Variants in FUNDC2 observed in about 807,000 individuals in gnomAD.
The protein encoded by FUNDC2 is FUN14 domain-containing protein 2.
In FUNDC2, 4 loss-of-function variants were observed where a neutral mutation model predicts 15.6. That is an observed-to-expected ratio of 0.26 (90% CI 0.13 to 0.59). FUNDC2 has a LOEUF of 0.59. Among genes scored for constraint, FUNDC2 ranks in the 20% least tolerant of loss-of-function variants. FUNDC2 has a pLI of 0.90. For synonymous variants in FUNDC2, 44 were observed against 56.9 expected (o/e 0.77, Z 1.02); for missense variants, 98 against 149.7 (o/e 0.65, Z 1.80).
rs1261606358 is a variant in FUNDC2 at position 155,058,250 on chromosome X, T to C, written c.*3578T>C. The C allele has an allele frequency of 9.0e-6, 1 of 111,554 alleles. No homozygotes were observed. The highest frequency in any genetic ancestry group is 1.9e-5 in the Non-Finnish European group (1 of 53,141). 9.2% of individuals were successfully genotyped at this position (111,554 alleles called of 1,213,427 possible). On this transcript the variant is annotated 3_prime_UTR_variant, in exon 5 of 5. Transcript: ENST00000369498. Reference sequence around the variant, plus strand: ...CTAGATTCTACAAGGAATGATCTCTTGCATAATTCTAGCCAACATGCTCTT... The same window carrying C: ...CTAGATTCTACAAGGAATGATCTCTCGCATAATTCTAGCCAACATGCTCTT...
intron 4 of FUNDC2, 73 bp downstream of exon 4, chrX:155,051,874 T>C (rs1557290527): frequency 9.6e-7 from 1 of 1,045,079 alleles, no homozygotes; most frequent in African/African-American, 1.8e-5. Context: ...TATTGTACCA[T>C]ATCTCAGTGA....
chrX:155,027,828 T>G (rs1482917518), intron 1 of FUNDC2, among the ~76,000 whole-genome samples: 2 of 112,135 alleles, frequency 1.8e-5, no homozygotes, highest in Non-Finnish European at 3.8e-5. Flanking sequence ...ACTATGGTGC[T>G]CTACTGTGCG....
intron 2 of FUNDC2, among the ~76,000 whole-genome samples, chrX:155,035,745 C>T (rs148742889): frequency 0.024 from 2,660 of 112,299 alleles, 77 homozygotes; most frequent in African/African-American, 0.082. Flanking sequence ...TGCAGTGGCA[C>T]GATCTTGGCT....
intron 2 of FUNDC2, among the ~76,000 whole-genome samples, chrX:155,045,755 A>C (rs2073860229): frequency 9.0e-6 from 1 of 111,620 alleles, no homozygotes; most frequent in South Asian, 3.8e-4. Flanking sequence ...ATTGGAGTCT[A>C]GGGAGGATTT....
intron 2 of FUNDC2, among the ~76,000 whole-genome samples, chrX:155,039,514 A>G (rs1434904790): frequency 8.9e-6 from 1 of 112,225 alleles, no homozygotes; most frequent in African/African-American, 3.2e-5. Context: ...ATCTGTTTCC[A>G]GTTGATTTTT....
chrX:155,032,476 A>G (rs1170454485), intron 1 of FUNDC2, among the ~76,000 whole-genome samples: 3 of 107,221 alleles, frequency 2.8e-5, no homozygotes, highest in African/African-American at 1.0e-4. Flanking sequence ...GGGTTTTTCC[A>G]TGCTGGTCAG....
chrX:155,030,683 CT>C (rs369740085), intron 1 of FUNDC2, among the ~76,000 whole-genome samples: 15,132 of 85,132 alleles, frequency 0.18, 953 homozygotes, highest in South Asian at 0.24. Context: ...CTATTTTCTA[CT>C]TTTTTTTTTT....
chrX:155,031,882 C>T (rs1410131044), intron 1 of FUNDC2, among the ~76,000 whole-genome samples: 1 of 111,806 alleles, frequency 8.9e-6, no homozygotes, highest in Admixed American at 9.4e-5. Context: ...AGTAGGGGAG[C>T]CTGACATTAT....
At chrX:155,051,316 C>T in intron 3 of FUNDC2, 1 of 167,259 alleles carries the variant, frequency 6.0e-6, no homozygotes, top group Non-Finnish European at 1.1e-5. Flanking sequence ...CTCATGGGCA[C>T]ATTGTCAGAG....
intron 4 of FUNDC2, among the ~76,000 whole-genome samples, chrX:155,053,291 G>A (rs1166229912): frequency 8.9e-6 from 1 of 112,116 alleles, no homozygotes; most frequent in African/African-American, 3.2e-5. Context: ...ATTTGGAATT[G>A]AGTTCACTGT....
intron 2 of FUNDC2, among the ~76,000 whole-genome samples, chrX:155,045,706 C>G (rs994239270): frequency 5.4e-5 from 6 of 110,961 alleles, no homozygotes; most frequent in Middle Eastern, 4.6e-3. Flanking sequence ...AGTAGTTTTG[C>G]TGTAAAGGAG....
intron 4 of FUNDC2, 76 bp downstream of exon 4, chrX:155,051,877 C>T (rs1464067419): frequency 6.8e-6 from 7 of 1,024,079 alleles, no homozygotes; most frequent in Non-Finnish European, 9.4e-6. Context: ...TGTACCATAT[C>T]TCAGTGATGG....
intron 4 of FUNDC2, among the ~76,000 whole-genome samples, chrX:155,052,456 A>C: frequency 8.9e-6 from 1 of 112,372 alleles, no homozygotes; most frequent in Non-Finnish European, 1.9e-5. Context: ...CAAATAAATA[A>C]GTACACTGAA....
At chrX:155,033,646 T>C in intron 2 of FUNDC2, 93 bp downstream of exon 2, 1 of 866,177 alleles carries the variant, frequency 1.2e-6, no homozygotes, top group Non-Finnish European at 1.6e-6. Context: ...TGAAAACACA[T>C]TGGCTTCTGT....
chrX:155,028,948 A>G (rs1163473423), intron 1 of FUNDC2, among the ~76,000 whole-genome samples: 2 of 110,927 alleles, frequency 1.8e-5, no homozygotes, highest in Non-Finnish European at 3.8e-5. Context: ...GGCAGTTTGT[A>G]TTTTCCTGAT....
chrX:155,053,303 A>T (rs1395273578), intron 4 of FUNDC2, among the ~76,000 whole-genome samples: 2 of 112,200 alleles, frequency 1.8e-5, no homozygotes, highest in Non-Finnish European at 3.8e-5. Flanking sequence ...GTTCACTGTC[A>T]CAGGCCCTGG....
chrX:155,060,114 T>A lies in FUNDC2; in HGVS notation c.*5442T>A, dbSNP rs2073921664. 1 of 112,162 alleles carries A rather than the reference T, an allele frequency of 8.9e-6. No homozygotes were observed. Among genetic ancestry groups the A allele is most frequent in the East Asian group, 2.8e-4 (1 of 3,633 alleles). 9.2% of individuals were successfully genotyped at this position (112,162 alleles called of 1,213,427 possible). On this transcript the variant is annotated 3_prime_UTR_variant, in exon 5 of 5. Coordinates refer to ENST00000369498, the MANE Select transcript of FUNDC2 (RefSeq NM_023934.4). ...ATGGACTAATACATATACTTTAGCA[T>A]AAAAACATTTAAAAGAGTCTGAAAC...
In FUNDC2 at chrX:155,059,887, C is replaced by G. The variant is rs146354251; in HGVS notation, c.*5215C>G. On this transcript the variant is annotated 3_prime_UTR_variant, in exon 5 of 5. Coordinates refer to ENST00000369498, the MANE Select transcript of FUNDC2 (RefSeq NM_023934.4). ...GAGATCTGGCACTTCACCCCTCACTCTCTCTTGCTCCTGCTTTGGCCATGT... is the reference window on the plus strand; with the variant it reads ...GAGATCTGGCACTTCACCCCTCACTGTCTCTTGCTCCTGCTTTGGCCATGT... The G allele has an allele frequency of 2.2e-4, 25 of 111,414 alleles. No individual in the cohort carries two copies. Among genetic ancestry groups the G allele is most frequent in the African/African-American group, 8.2e-4 (25 of 30,599 alleles). 9.2% of individuals were successfully genotyped at this position (111,414 alleles called of 1,213,427 possible). A position where few individuals can be genotyped will look rare whatever the true frequency, so the allele number is the denominator to read the frequency against.
chrX:155,030,266 C>T (rs1009622375), intron 1 of FUNDC2, among the ~76,000 whole-genome samples: 2 of 105,267 alleles, frequency 1.9e-5, no homozygotes, highest in African/African-American at 7.0e-5. Context: ...CGAGGTGGCT[C>T]ACACTTGTAA....
Sources: allele counts gnomAD v4.1 joint callset (sites outside exome capture counted in the v4.1 genomes callset), GRCh38; gene constraint gnomAD v4.1.1; transcripts MANE v1.5; gene names NCBI Gene and HGNC (gene_info 2026-07-23, HGNC 2026-07-21).